Variants in RNF185 observed in about 807,000 individuals in gnomAD.
RNF185 encodes the protein ring finger protein 185.
A neutral mutation model predicts 24.9 loss-of-function variants in RNF185; 13 were observed. That is an observed-to-expected ratio of 0.52 (90% CI 0.34 to 0.83). RNF185 has a LOEUF of 0.83. RNF185 is among the 40% of genes least tolerant of loss of function. The probability of loss-of-function intolerance (pLI) is 0.01; values close to 1 mark genes in which losing one functional copy is unlikely to be tolerated. For synonymous variants in RNF185, 79 were observed against 90.3 expected (o/e 0.88, Z 0.71); for missense variants, 184 against 244.7 (o/e 0.75, Z 1.65).
intron 3 of RNF185, among the ~76,000 whole-genome samples, chr22:31,194,108 C>T (rs1161662977): frequency 1.3e-5 from 2 of 151,566 alleles, no homozygotes; most frequent in East Asian, 4.0e-4. Context: ...ATGTTCCCCA[C>T]GCTGGTCTTG....
At chr22:31,176,090 C>T (rs2047979521) in intron 1 of RNF185, among the ~76,000 whole-genome samples, 1 of 151,964 alleles carries the variant, frequency 6.6e-6, no homozygotes. Context: ...TAACAGAGTA[C>T]TCACTATGGA....
intron 2 of RNF185, among the ~76,000 whole-genome samples, chr22:31,192,036 C>A (rs2048161159): frequency 6.6e-6 from 1 of 151,916 alleles, no homozygotes; most frequent in Admixed American, 6.6e-5. Flanking sequence ...CAGCAGCTCT[C>A]TAAGCTGAAG....
At chr22:31,188,881 G>A (rs1235954282) in intron 2 of RNF185, among the ~76,000 whole-genome samples, 2 of 151,584 alleles carry the variant, frequency 1.3e-5, no homozygotes, top group African/African-American at 2.4e-5. Flanking sequence ...AGCACTTTGG[G>A]AGGCCAAGGT....
At chr22:31,173,250 TA>T (rs35621856) in intron 1 of RNF185, among the ~76,000 whole-genome samples, 117,659 of 148,786 alleles carry the variant, frequency 0.79, 47,262 homozygotes, top group African/African-American at 0.95. Context: ...GGGTAATACT[TA>T]AAAAAAAAAA....
intron 3 of RNF185, among the ~76,000 whole-genome samples, chr22:31,193,750 C>T (rs2048176833): frequency 6.6e-6 from 1 of 150,828 alleles, no homozygotes; most frequent in African/African-American, 2.4e-5. Context: ...GCTGAGATTG[C>T]ACCACTGCAC....
At chr22:31,171,302 T>C (rs2047927028) in intron 1 of RNF185, among the ~76,000 whole-genome samples, 1 of 151,836 alleles carries the variant, frequency 6.6e-6, no homozygotes, top group African/African-American at 2.4e-5. Flanking sequence ...CCCTAGTAGC[T>C]GGGATTACAG....
At chr22:31,172,506 T>A (rs1203657323) in intron 1 of RNF185, among the ~76,000 whole-genome samples, 1 of 152,084 alleles carries the variant, frequency 6.6e-6, no homozygotes, top group East Asian at 1.9e-4. Flanking sequence ...CCCAGCACTT[T>A]GGGAGGCCGA....
intron 1 of RNF185, among the ~76,000 whole-genome samples, chr22:31,186,807 T>A (rs2048103573): frequency 6.6e-6 from 1 of 152,200 alleles, no homozygotes; most frequent in African/African-American, 2.4e-5. Flanking sequence ...GAGGCTGCTC[T>A]GTATTTGGTG....
At chr22:31,164,391 T>C (rs1923775820) in intron 1 of RNF185, among the ~76,000 whole-genome samples, 1 of 152,240 alleles carries the variant, frequency 6.6e-6, no homozygotes, top group Non-Finnish European at 1.5e-5. Flanking sequence ...TACATAATTA[T>C]ATCAGAATTA....
In RNF185 at chr22:31,204,483, C is replaced by T; in HGVS notation, c.482-6C>T. The T allele has an allele frequency of 1.9e-6, 3 of 1,603,568 alleles. No homozygotes were observed. The highest frequency in any genetic ancestry group is 2.6e-6 in the Non-Finnish European group (3 of 1,170,448). On this transcript the variant is annotated splice_region_variant and splice_polypyrimidine_tract_variant and intron_variant, in intron 6 of 6. Transcript: ENST00000326132. Reference sequence around the variant, plus strand: ...ATAGCCTGTTTTCTCCTTTCTGTCTCTCCAGCTGTCCCTGGGACACCCCAG... The same window carrying T: ...ATAGCCTGTTTTCTCCTTTCTGTCTTTCCAGCTGTCCCTGGGACACCCCAG...
chr22:31,184,128 C>T lies in RNF185; in HGVS notation c.-48-2919C>T, dbSNP rs546294303. ...GCCCACCACCTCCTGGACGGGGCAG[C>T]TGCCGGGCAGAGACGCTCCTCACTT... On this transcript the variant is annotated intron_variant, in intron 1 of 6. Coordinates refer to ENST00000326132, the MANE Select transcript of RNF185 (RefSeq NM_152267.4). Among the ~76,000 whole-genome samples the T allele has an allele frequency of 4.5e-3, 687 of 151,078 alleles. 4 individuals are homozygous for T. The highest frequency in any genetic ancestry group is 0.016 in the African/African-American group (653 of 41,148).
At chr22:31,189,280 C>CTTTTTTTTTTTTTTTT (rs1050842065) in intron 2 of RNF185, among the ~76,000 whole-genome samples, 1 of 61,538 alleles carries the variant, frequency 1.6e-5, no homozygotes. Flanking sequence ...TGTTGTATAT[C>CTTTTTTTTTTTTTTTT]TTTTTTTTTT....
chr22:31,205,670 T>C lies in RNF185; in HGVS notation c.*1084T>C, dbSNP rs2048307696. The C allele has an allele frequency of 1.3e-5, 2 of 152,182 alleles. No homozygotes were observed. Among genetic ancestry groups the C allele is most frequent in the African/African-American group, 4.8e-5 (2 of 41,440 alleles). The allele number at this position is 152,182 out of a possible 1,614,324, so 9.4% of individuals were successfully genotyped here. A position where few individuals can be genotyped will look rare whatever the true frequency, so the allele number is the denominator to read the frequency against. ...GGAAACCCACATGTGACCCTGATTTTGGTATGGCTTGATAGAGTTCCCTGA... is the reference window on the plus strand; with the variant it reads ...GGAAACCCACATGTGACCCTGATTTCGGTATGGCTTGATAGAGTTCCCTGA... On this transcript the variant is annotated 3_prime_UTR_variant, in exon 7 of 7. Coordinates refer to ENST00000326132, the MANE Select transcript of RNF185 (RefSeq NM_152267.4).
At chr22:31,170,391 C>G (rs754485422) in intron 1 of RNF185, among the ~76,000 whole-genome samples, 1 of 152,094 alleles carries the variant, frequency 6.6e-6, no homozygotes, top group Non-Finnish European at 1.5e-5. Context: ...GAGGTTTCAC[C>G]ATGTTAGCCA....
rs764891748 is a variant in RNF185, at chr22:31,187,190, G to T, written c.96G>T (p.Gly32=). The T allele has an allele frequency of 3.1e-6, 5 of 1,614,040 alleles. No homozygotes were observed. Among genetic ancestry groups the T allele is most frequent in the Non-Finnish European group, 4.2e-6 (5 of 1,179,934 alleles). ...GSSNGAGESG[G]QDSTFECNIC... ...GCAATGGCGCTGGCGAGAGCGGAGG[G>T]CAGGACAGCACTTTCGAGTGCAACA... Residue 32 remains glycine (G), a synonymous_variant, in exon 2 of 7, where the codon GGG becomes GGT. Transcript: ENST00000326132.
intron 1 of RNF185, among the ~76,000 whole-genome samples, chr22:31,175,284 TACAA>T (rs560864880): frequency 1.3e-5 from 2 of 151,454 alleles, no homozygotes; most frequent in Admixed American, 6.6e-5. Context: ...ACCCCATCTC[TACAA>T]ACAAACAAAC....
intron 1 of RNF185, among the ~76,000 whole-genome samples, chr22:31,172,558 G>A (rs989819535): frequency 1.4e-4 from 22 of 152,062 alleles, no homozygotes; most frequent in African/African-American, 5.3e-4. Context: ...AGACCAGCCT[G>A]GCCAACAAGG....
At chr22:31,184,238 G>C (rs1209849139) in intron 1 of RNF185, among the ~76,000 whole-genome samples, 3 of 151,832 alleles carry the variant, frequency 2.0e-5, no homozygotes, top group South Asian at 4.2e-4. Context: ...CCTCCCAGAC[G>C]GGTGGCGGTG....
chr22:31,166,888 G>A (rs982063624), intron 1 of RNF185, among the ~76,000 whole-genome samples: 2 of 152,080 alleles, frequency 1.3e-5, no homozygotes, highest in Non-Finnish European at 2.9e-5. Context: ...GACCTCAGAC[G>A]ATCCACCCAC....
Sources: gnomAD v4.1 joint callset for allele counts (sites outside exome capture counted in the v4.1 genomes callset) on GRCh38, gnomAD v4.1.1 for gene constraint, MANE v1.5 for transcripts, NCBI Gene and HGNC (gene_info 2026-07-23, HGNC 2026-07-21) for gene names.